Variants in POLR2D observed in about 807,000 individuals in gnomAD.
POLR2D encodes the protein DNA-directed RNA polymerase II subunit RPB4.
A neutral mutation model predicts 17.6 loss-of-function variants in POLR2D; 10 were observed. The observed-to-expected ratio is 0.57, with a 90% confidence interval of 0.35 to 0.96. The LOEUF is 0.96. Ranked by LOEUF, POLR2D falls within the 40% of genes least tolerant of loss-of-function variation. POLR2D has a pLI of 0.02. For synonymous variants in POLR2D, 52 were observed against 60.2 expected (o/e 0.86, Z 0.63); for missense variants, 126 against 176.4 (o/e 0.71, Z 1.62).
chr2:127,850,726 CAAAT>C (rs1459352879), intron 2 of POLR2D, 41 bp from the exon 3 acceptor site: 5 of 948,392 alleles, frequency 5.3e-6, no homozygotes, highest in South Asian at 1.4e-5. Context: ...TAATCAAAAA[CAAAT>C]AAACAACAAA....
rs1160988177 is a variant in POLR2D at position 127,845,223 on chromosome 2, A to G, written c.*2884T>C. The G allele has an allele frequency of 3.9e-5, 6 of 152,204 alleles. No homozygotes were observed. The highest frequency in any genetic ancestry group is 1.4e-4 in the African/African-American group (6 of 41,434). 9.4% of individuals were successfully genotyped at this position (152,204 alleles called of 1,614,324 possible). ...AGCACATGTAAGTGCCTCTCTCAAG[A>G]AATAATTCTGCAGTACTCACTTTGG... On this transcript the variant is annotated 3_prime_UTR_variant, in exon 4 of 4. Transcript: ENST00000272645.
intron 1 of POLR2D, chr2:127,857,248 G>A (rs967623308): frequency 1.3e-5 from 2 of 152,056 alleles, no homozygotes; most frequent in Admixed American, 6.6e-5. Flanking sequence ...CGGTTGAGAG[G>A]TTGAGGTTGC....
rs1469422127 is a variant in POLR2D, at chr2:127,846,116, G to C, written c.*1991C>G. Reference sequence around the variant, plus strand: ...AAAACACAAAAAATTAGCCAGGCGTGGTGGCAGGTACCTGTAATCCCAGCT... The same window carrying C: ...AAAACACAAAAAATTAGCCAGGCGTCGTGGCAGGTACCTGTAATCCCAGCT... On this transcript the variant is annotated 3_prime_UTR_variant, in exon 4 of 4. Transcript: ENST00000272645. 1 of 152,124 alleles carries C rather than the reference G, an allele frequency of 6.6e-6. No homozygotes were observed. The highest frequency in any genetic ancestry group is 1.5e-5 in the Non-Finnish European group (1 of 68,060). 9.4% of individuals were successfully genotyped at this position (152,124 alleles called of 1,614,324 possible).
chr2:127,855,001 CAA>C (rs58280789), intron 1 of POLR2D, among the ~76,000 whole-genome samples: 34 of 70,944 alleles, frequency 4.8e-4, no homozygotes, highest in Admixed American at 8.1e-4. Context: ...GACATCAGGC[CAA>C]AAAAAAAAAA....
intron 3 of POLR2D, 107 bp downstream of exon 3, chr2:127,850,483 T>C (rs1460219037): frequency 2.1e-6 from 1 of 475,208 alleles, no homozygotes; most frequent in Non-Finnish European, 3.8e-6. Context: ...CATTCAATAT[T>C]GGCAATTATG....
rs906451792 is a variant in POLR2D at position 127,852,225 on chromosome 2, T to C, written c.254+700A>G. ...AGTTACTTCCCCACTAACAGTACCA[T>C]TTAGATCACACATACTGGACTTACA... On this transcript the variant is annotated intron_variant, in intron 2 of 3. Coordinates refer to ENST00000272645, the MANE Select transcript of POLR2D (RefSeq NM_004805.4). This position sits in a 1 kb window ranked among gnomAD's most constrained non-coding sequence, Gnocchi z 4.0. Among the ~76,000 whole-genome samples, 23 of 152,142 alleles carry C rather than the reference T, an allele frequency of 1.5e-4. No individual in the cohort carries two copies. Among genetic ancestry groups the C allele is most frequent in the Admixed American group, 1.3e-4 (2 of 15,268 alleles).
chr2:127,857,764 A>C, intron 1 of POLR2D: 1 of 1,255,988 alleles, frequency 8.0e-7, no homozygotes, highest in South Asian at 2.3e-5. Context: ...ATCTGTCCTT[A>C]CCACCTGAGT....
intron 1 of POLR2D, among the ~76,000 whole-genome samples, chr2:127,853,610 T>C (rs1292572782): frequency 1.3e-5 from 2 of 152,082 alleles, no homozygotes; most frequent in African/African-American, 4.8e-5. Flanking sequence ...TGGAGTGTAG[T>C]GGCATGAATA....
rs185587162 is a variant in POLR2D at position 127,851,332 on chromosome 2, C to T, written c.255-647G>A. The stretch of plus-strand genomic sequence containing the variant: ...TATTTGGAAGGCTGAGGCATGAGAA[C>T]TGCTTTAACCTGGGAGGTGGAGGTT... On this transcript the variant is annotated intron_variant, in intron 2 of 3. Transcript: ENST00000272645. Among the ~76,000 whole-genome samples the T allele has an allele frequency of 4.7e-4, 72 of 152,204 alleles. No individual in the cohort carries two copies. In the East Asian group the frequency reaches 0.013, roughly 27 times the overall value.
chr2:127,853,602 G>C (rs947312054), intron 1 of POLR2D, among the ~76,000 whole-genome samples: 5 of 151,994 alleles, frequency 3.3e-5, no homozygotes, highest in Non-Finnish European at 7.4e-5. Flanking sequence ...ACCCAGGCTG[G>C]AGTGTAGTGG....
chr2:127,846,846 G>A lies in POLR2D; in HGVS notation c.*1261C>T. On this transcript the variant is annotated 3_prime_UTR_variant, in exon 4 of 4. Coordinates refer to ENST00000272645, the MANE Select transcript of POLR2D (RefSeq NM_004805.4). ...ATTCCTCACCACTGTGCTGTGAATG[G>A]CACAACTCACATGGTAATGTAGCTT... The A allele has an allele frequency of 6.5e-6, 1 of 154,390 alleles. No individual in the cohort carries two copies. The allele number at this position is 154,390 out of a possible 1,614,324, so 9.6% of individuals were successfully genotyped here. A position where few individuals can be genotyped will look rare whatever the true frequency, so the allele number is the denominator to read the frequency against.
Position 127,852,811 on chromosome 2 carries a change from T to C in POLR2D, c.254+114A>G. On this transcript the variant is annotated intron_variant, in intron 2 of 3. Coordinates refer to ENST00000272645, the MANE Select transcript of POLR2D (RefSeq NM_004805.4). The surrounding 1 kb of genome is among the most constrained non-coding windows in gnomAD (Gnocchi z 4.0). ...TGGGTGTGAGCCACCATGCCCAGCC[T>C]AACATTATTTTACTTAAATTCACAA... 1.3e-6 allele frequency: 1 copy of C among 781,296 alleles called. No individual in the cohort carries two copies. The highest frequency in any genetic ancestry group is 2.1e-6 in the Non-Finnish European group (1 of 465,120). The allele number at this position is 781,296 out of a possible 1,614,324, so 48.4% of individuals were successfully genotyped here.
rs1295281155 is a variant in POLR2D, at chr2:127,844,957, A to C, written c.*3150T>G. 6.6e-6 allele frequency: 1 copy of C among 152,166 alleles called. No individual in the cohort carries two copies. The highest frequency in any genetic ancestry group is 2.4e-5 in the African/African-American group (1 of 41,428). The allele number at this position is 152,166 out of a possible 1,614,324, so 9.4% of individuals were successfully genotyped here. ...GTGTGAGCCACCGCGCCCAACTGTG[A>C]GCTGCTTTTTAAATCTGCTTTTAAT... On this transcript the variant is annotated 3_prime_UTR_variant, in exon 4 of 4. Transcript: ENST00000272645.
intron 3 of POLR2D, among the ~76,000 whole-genome samples, 163 bp from the exon 4 acceptor site, chr2:127,848,348 TATAAAAG>T (rs1485301251): frequency 1.3e-5 from 2 of 152,048 alleles, no homozygotes; most frequent in African/African-American, 4.8e-5. Flanking sequence ...ATTTCAAACA[TATAAAAG>T]ATAAAAGGTA....
chr2:127,848,241 C>G (rs1043796565), intron 3 of POLR2D, 56 bp from the exon 4 acceptor site: 1 of 1,122,786 alleles, frequency 8.9e-7, no homozygotes, highest in Non-Finnish European at 1.3e-6. Flanking sequence ...TCCCCGCACT[C>G]TTCTTTGAGG....
At chr2:127,850,778 G>A (rs1573518585) in intron 2 of POLR2D, 93 bp from the exon 3 acceptor site, 4 of 657,902 alleles carry the variant, frequency 6.1e-6, no homozygotes, top group East Asian at 5.3e-5. Context: ...GGGATCAAAC[G>A]TAGCTAGTAT....
chr2:127,849,513 G>A (rs905669549), intron 3 of POLR2D, among the ~76,000 whole-genome samples: 1 of 152,096 alleles, frequency 6.6e-6, no homozygotes, highest in Non-Finnish European at 1.5e-5. Context: ...ACACATTTAT[G>A]GATACGTAAA....
At chr2:127,857,289 G>A (rs147989468) in intron 1 of POLR2D, 41 of 152,264 alleles carry the variant, frequency 2.7e-4, no homozygotes, top group African/African-American at 9.9e-4. Context: ...CTATACTCCA[G>A]CCTCAACAAG....
rs1690176313 is a variant in POLR2D at position 127,847,536 on chromosome 2, T to C, written c.*571A>G. The C allele has an allele frequency of 6.4e-6, 1 of 155,138 alleles. No homozygotes were observed. The highest frequency in any genetic ancestry group is 2.4e-5 in the African/African-American group (1 of 41,350). The allele number at this position is 155,138 out of a possible 1,614,324, so 9.6% of individuals were successfully genotyped here. On this transcript the variant is annotated 3_prime_UTR_variant, in exon 4 of 4. Transcript: ENST00000272645. ...GGTGCACACCTGTGGCCCCAGTTATTTGGGAGGCTGAGGCAGCGGGGTCAA... is the reference window on the plus strand; with the variant it reads ...GGTGCACACCTGTGGCCCCAGTTATCTGGGAGGCTGAGGCAGCGGGGTCAA...
Sources: gnomAD v4.1 joint callset for allele counts (sites outside exome capture counted in the v4.1 genomes callset) on GRCh38, gnomAD v4.1.1 for gene constraint, Gnocchi (gnomAD v3.1) non-coding constraint, MANE v1.5 for transcripts, NCBI Gene and HGNC (gene_info 2026-07-23, HGNC 2026-07-21) for gene names.